The following HLCS variants were observed in gnomAD, a reference collection of about 807,000 sequenced individuals.
The protein encoded by HLCS is holocarboxylase synthetase.
In HLCS, 53 loss-of-function variants were observed where a neutral mutation model predicts 75.0. The observed-to-expected ratio is 0.71, with a 90% CI of 0.57 to 0.89. The LOEUF (loss-of-function observed/expected upper bound fraction) is 0.89, where lower values mean the gene tolerates loss of function less well. Ranked by LOEUF, HLCS falls within the 40% of genes least tolerant of loss-of-function variation. The probability of loss-of-function intolerance (pLI) is 0.00; values close to 1 mark genes in which losing one functional copy is unlikely to be tolerated. For synonymous variants in HLCS, 431 were observed against 428.6 expected (o/e 1.01, Z -0.07); for missense variants, 966 against 1,074.0 (o/e 0.90, Z 1.41).
rs775244216 is a variant in HLCS, at chr21:36,948,828, T to C, written c.331-9834A>G. ...AGCGTAAGAGTTATCACAAAGTCAC[T>C]GCAAGCAGGAGCTGAAATAGTCAAC... On this transcript the variant is annotated intron_variant, in intron 2 of 10. Coordinates refer to ENST00000674895, the MANE Select transcript of HLCS (RefSeq NM_001352514.2). Among the ~76,000 whole-genome samples the C allele has an allele frequency of 5.3e-5, 8 of 150,520 alleles. 1 individual carries two copies. Among genetic ancestry groups the C allele is most frequent in the Non-Finnish European group, 1.0e-4 (7 of 67,816 alleles).
At chr21:36,866,280 T>C (rs1397165570) in intron 6 of HLCS, among the ~76,000 whole-genome samples, 3 of 152,202 alleles carry the variant, frequency 2.0e-5, no homozygotes, top group Non-Finnish European at 2.9e-5. Context: ...AGGAATTCAT[T>C]ATTTTTTCAA....
At chr21:36,828,848 T>G (rs2062101357) in intron 6 of HLCS, among the ~76,000 whole-genome samples, 1 of 152,158 alleles carries the variant, frequency 6.6e-6, no homozygotes, top group Non-Finnish European at 1.5e-5. Context: ...AAAACCTAGT[T>G]TCTAGAAAAT....
At chr21:36,796,762 C>T (rs1008534347) in intron 6 of HLCS, among the ~76,000 whole-genome samples, 1 of 152,204 alleles carries the variant, frequency 6.6e-6, no homozygotes, top group African/African-American at 2.4e-5. Flanking sequence ...TGAATAATAA[C>T]TTCCAGAAAT....
At chr21:36,861,527 GA>G (rs1433706166) in intron 6 of HLCS, among the ~76,000 whole-genome samples, 1 of 152,020 alleles carries the variant, frequency 6.6e-6, no homozygotes, top group African/African-American at 2.4e-5. Flanking sequence ...ATTTTTTCCT[GA>G]TCCTCTCCCT....
intron 6 of HLCS, among the ~76,000 whole-genome samples, chr21:36,837,970 A>C (rs1389013037): frequency 6.6e-6 from 1 of 152,222 alleles, no homozygotes; most frequent in Non-Finnish European, 1.5e-5. Context: ...TATACACTTG[A>C]TAAGTTTCCC....
rs569364815 is a variant in HLCS at position 36,861,710 on chromosome 21, T to C, written c.1892+35150A>G. ...TTTAAAAGAGTACCTCCCTCTTACATCACTTCTGACGTAAGCTTTAGAATT... is the reference window on the plus strand; with the variant it reads ...TTTAAAAGAGTACCTCCCTCTTACACCACTTCTGACGTAAGCTTTAGAATT... On this transcript the variant is annotated intron_variant, in intron 6 of 10. Coordinates refer to ENST00000674895, the MANE Select transcript of HLCS (RefSeq NM_001352514.2). 1.2e-4 allele frequency among the ~76,000 whole-genome samples: 19 copies of C among 152,360 alleles called. No homozygotes were observed. In the East Asian group the frequency reaches 3.7e-3, roughly 29 times the overall value.
intron 6 of HLCS, among the ~76,000 whole-genome samples, chr21:36,848,938 TGCAAGTCTA>T (rs1303204263): frequency 5.3e-5 from 8 of 152,198 alleles, no homozygotes; most frequent in African/African-American, 1.9e-4. Flanking sequence ...ACCGGCTCAA[TGCAAGTCTA>T]ATTTGCTTCT....
At chr21:36,808,146 A>G (rs1183328243) in intron 6 of HLCS, among the ~76,000 whole-genome samples, 3 of 152,118 alleles carry the variant, frequency 2.0e-5, no homozygotes, top group African/African-American at 4.8e-5. Context: ...TTTCTATGTT[A>G]CATGGGTGAC....
chr21:36,865,209 G>A (rs2146205768), intron 6 of HLCS, among the ~76,000 whole-genome samples: 1 of 152,054 alleles, frequency 6.6e-6, no homozygotes, highest in African/African-American at 2.4e-5. Flanking sequence ...AAGAGTCCAC[G>A]TGGAGGCTAA....
intron 6 of HLCS, among the ~76,000 whole-genome samples, chr21:36,837,379 C>T (rs772483112): frequency 5.3e-5 from 8 of 152,284 alleles, no homozygotes; most frequent in African/African-American, 1.4e-4. Flanking sequence ...ATAGGCAACT[C>T]GAAATCCCCA....
intron 6 of HLCS, among the ~76,000 whole-genome samples, chr21:36,876,211 C>T (rs2063969582): frequency 6.6e-6 from 1 of 152,130 alleles, no homozygotes; most frequent in South Asian, 2.1e-4. Flanking sequence ...CAAGTGCAGC[C>T]TGCCAGGGCT....
chr21:36,955,783 G>C (rs2067908620), intron 2 of HLCS, among the ~76,000 whole-genome samples: 1 of 152,186 alleles, frequency 6.6e-6, no homozygotes, highest in South Asian at 2.1e-4. Flanking sequence ...GACTCGCCCT[G>C]AGCCACTTTC....
chr21:36,855,149 C>T (rs1195915779), intron 6 of HLCS, among the ~76,000 whole-genome samples: 5 of 151,998 alleles, frequency 3.3e-5, no homozygotes, highest in African/African-American at 9.7e-5. Context: ...GCACATATTC[C>T]GATGCATATT....
intron 5 of HLCS, among the ~76,000 whole-genome samples, chr21:36,904,020 G>A (rs1417931542): frequency 1.3e-5 from 2 of 151,938 alleles, no homozygotes; most frequent in East Asian, 1.9e-4. Flanking sequence ...CAGCAAGAAG[G>A]CCCTCACTAG....
At chr21:36,819,887 CA>C (rs1298897163) in intron 6 of HLCS, among the ~76,000 whole-genome samples, 3 of 152,262 alleles carry the variant, frequency 2.0e-5, no homozygotes, top group African/African-American at 7.2e-5. Flanking sequence ...TGAAAGATTG[CA>C]AGTTCCCTCA....
intron 6 of HLCS, among the ~76,000 whole-genome samples, chr21:36,891,586 C>T (rs927367579): frequency 3.9e-5 from 6 of 152,240 alleles, no homozygotes; most frequent in South Asian, 2.1e-4. Flanking sequence ...AACCTTTGAT[C>T]GAGTCCTGAC....
At chr21:36,793,333 T>C (rs1266547289) in intron 6 of HLCS, among the ~76,000 whole-genome samples, 1 of 142,578 alleles carries the variant, frequency 7.0e-6, no homozygotes, top group African/African-American at 2.6e-5. Flanking sequence ...TCTCGCTCTG[T>C]TGCCCAGGCT....
intron 5 of HLCS, among the ~76,000 whole-genome samples, chr21:36,901,032 A>T (rs1601680494): frequency 6.6e-6 from 1 of 152,240 alleles, no homozygotes; most frequent in East Asian, 1.9e-4. Context: ...AGGCCCAGGC[A>T]GTCAAATCAC....
intron 2 of HLCS, among the ~76,000 whole-genome samples, chr21:36,949,224 C>A (rs1368710839): frequency 6.6e-6 from 1 of 152,216 alleles, no homozygotes; most frequent in Admixed American, 6.5e-5. Context: ...TCACAAATCT[C>A]AATTTGGACA....
Sources: allele counts gnomAD v4.1 joint callset (sites outside exome capture counted in the v4.1 genomes callset), GRCh38; gene constraint gnomAD v4.1.1; transcripts MANE v1.5; gene names NCBI Gene and HGNC (gene_info 2026-07-23, HGNC 2026-07-21).